PPEF1: variants seen among roughly 807,000 people sequenced by gnomAD.
The protein encoded by PPEF1 is protein phosphatase with EF-hand domain 1.
In PPEF1, 12 loss-of-function variants were observed where a neutral mutation model predicts 53.3. The ratio of observed to expected loss-of-function variants is 0.23; its 90% CI spans 0.14 to 0.36. PPEF1 has a LOEUF of 0.36. Among genes scored for constraint, PPEF1 ranks in the 10% least tolerant of loss-of-function variants. The pLI is 1.00. For synonymous variants in PPEF1, 165 were observed against 176.7 expected, an observed-to-expected ratio of 0.93 and a Z score of 0.52; for missense variants, 334 against 490.4, an observed-to-expected ratio of 0.68 and a Z score of 3.01.
intron 13 of PPEF1, among the ~76,000 whole-genome samples, chrX:18,820,903 T>C (rs1486434090): frequency 9.0e-6 from 1 of 110,638 alleles, no homozygotes; most frequent in African/African-American, 3.3e-5. Flanking sequence ...CCCTTTGGCT[T>C]GGAAATGAGA....
chrX:18,725,003 A>G (rs1393807216), intron 1 of PPEF1, among the ~76,000 whole-genome samples: 1 of 111,050 alleles, frequency 9.0e-6, no homozygotes, highest in African/African-American at 3.3e-5. Flanking sequence ...TGGGAAATGT[A>G]TGCCCAAGGG....
chrX:18,817,067 CATGTGT>C (rs1412796081), intron 12 of PPEF1, among the ~76,000 whole-genome samples: 13 of 49,145 alleles, frequency 2.6e-4, no homozygotes, highest in African/African-American at 7.3e-4. Flanking sequence ...ATCATTTTGC[CATGTGT>C]GTGTGTGTGT....
At chrX:18,693,325 C>T (rs1744946276) in intron 4 of PPEF1, among the ~76,000 whole-genome samples, 1 of 111,795 alleles carries the variant, frequency 8.9e-6, no homozygotes, top group Admixed American at 9.5e-5. Context: ...CAACCTACCT[C>T]CCCCAGGTTA....
At position 18,749,921 on chromosome X, in the gene PPEF1, A is replaced by G; in HGVS notation, c.365A>G (p.Asp122Gly). ...TTTCCTCTCACTTGTACGGATATTG[A>G]TTTACTTCTTGAGGCCTTCAAGGAA... Reference protein sequence around the residue: ...LQFPLTCTDIDLLLEAFKEQQ... With the variant: ...LQFPLTCTDIGLLLEAFKEQQ... The change falls in exon 4 of 16, where the codon GAT becomes GGT. Residue 122 changes from aspartate (D) to glycine (G), a missense_variant. Transcript: ENST00000470157. 7.5e-6 allele frequency: 9 copies of G among 1,206,772 alleles called. No individual in the cohort carries two copies. The highest frequency in any genetic ancestry group is 1.0e-5 in the Non-Finnish European group (9 of 891,542).
chrX:18,757,489 A>G (rs2147492276), intron 4 of PPEF1, 138 bp from the exon 5 acceptor site: 2 of 480,314 alleles, frequency 4.2e-6, no homozygotes, highest in South Asian at 3.2e-5. Flanking sequence ...AGAATGATCT[A>G]TTTCAGAATA....
intron 13 of PPEF1, among the ~76,000 whole-genome samples, 180 bp from the exon 14 acceptor site, chrX:18,823,743 C>T (rs2047112022): frequency 9.0e-6 from 1 of 111,695 alleles, no homozygotes; most frequent in Admixed American, 9.5e-5. Flanking sequence ...AGGAAGGACA[C>T]GATCTGTGGA....
intron 6 of PPEF1, among the ~76,000 whole-genome samples, chrX:18,778,276 T>C (rs2046009615): frequency 9.0e-6 from 1 of 111,515 alleles, no homozygotes; most frequent in African/African-American, 3.3e-5. Context: ...TTAATAGCTA[T>C]TTTAAAGACC....
At chrX:18,703,795 CT>C (rs1277087289), upstream of PPEF1, among the ~76,000 whole-genome samples, 8 of 104,783 alleles carry the variant, frequency 7.6e-5, no homozygotes, top group East Asian at 5.9e-4. Flanking sequence ...TGAGACAGTG[CT>C]TTTTTTTTTC....
At chrX:18,821,704 G>A (rs2147757170) in intron 13 of PPEF1, among the ~76,000 whole-genome samples, 1 of 109,115 alleles carries the variant, frequency 9.2e-6, no homozygotes, top group African/African-American at 3.3e-5. Flanking sequence ...GAGCCACTGT[G>A]CCCGGCCAAA....
intron 4 of PPEF1, among the ~76,000 whole-genome samples, chrX:18,754,346 A>G (rs1021065278): frequency 3.7e-4 from 41 of 111,244 alleles, no homozygotes; most frequent in African/African-American, 1.3e-3. Flanking sequence ...AGTTGCCTAC[A>G]TGACCGTTTT....
intron 4 of PPEF1, among the ~76,000 whole-genome samples, chrX:18,756,151 A>G (rs1230182877): frequency 1.8e-5 from 2 of 110,808 alleles, no homozygotes; most frequent in Admixed American, 1.9e-4. Flanking sequence ...TTTTATTTCA[A>G]CTAAAAAAAT....
intron 12 of PPEF1, among the ~76,000 whole-genome samples, chrX:18,817,030 A>AT (rs1478394017): frequency 9.4e-6 from 1 of 106,872 alleles, no homozygotes; most frequent in Admixed American, 1.0e-4. Context: ...ATATGATGTT[A>AT]TTATTGATAT....
chrX:18,676,420 A>G (rs899266978), intron 1 of PPEF1, among the ~76,000 whole-genome samples: 2 of 105,692 alleles, frequency 1.9e-5, no homozygotes, highest in South Asian at 4.8e-4. Flanking sequence ...TTTTTCTAGT[A>G]CCCGTTTCCC....
At chrX:18,787,972 A>AT (rs1405529169) in intron 9 of PPEF1, among the ~76,000 whole-genome samples, 1 of 110,935 alleles carries the variant, frequency 9.0e-6, no homozygotes, top group Non-Finnish European at 1.9e-5. Flanking sequence ...ATTCAATTTC[A>AT]TTTTTGAAAA....
intron 4 of PPEF1, among the ~76,000 whole-genome samples, chrX:18,751,733 T>G (rs1344889929): frequency 8.9e-6 from 1 of 112,199 alleles, no homozygotes. Context: ...TGAGCCGAGA[T>G]CGTGCCACTG....
At chrX:18,738,316 C>G (rs2045044745) in intron 3 of PPEF1, among the ~76,000 whole-genome samples, 1 of 110,871 alleles carries the variant, frequency 9.0e-6, no homozygotes. Context: ...GTAAGGCAGG[C>G]CTGGTGGTGA....
At chrX:18,698,834 T>G (rs148391585) in intron 5 of PPEF1, among the ~76,000 whole-genome samples, 1,122 of 111,586 alleles carry the variant, frequency 0.01, 9 homozygotes, top group Non-Finnish European at 0.015. Context: ...ATGAAACAGA[T>G]CCTTTCCCTT....
rs181760754 is a variant in PPEF1 at position 18,690,525 on chromosome X, C to T, written c.-425-457C>T. Among the ~76,000 whole-genome samples, 741 of 110,122 alleles carry T rather than the reference C, an allele frequency of 6.7e-3. 9 individuals carry two copies. Among genetic ancestry groups the T allele is most frequent in the African/African-American group, 0.022 (672 of 30,280 alleles). On this transcript the variant is annotated intron_variant, in intron 3 of 21. Transcript: ENST00000361511. Reference sequence around the variant, plus strand: ...CTGAGTAGCTGGGATTACAGGTGCCCGCCACCATGCCCAGCTAATTTTTGT... The same window carrying T: ...CTGAGTAGCTGGGATTACAGGTGCCTGCCACCATGCCCAGCTAATTTTTGT...
At chrX:18,676,988 A>G (rs1928698820) in intron 1 of PPEF1, among the ~76,000 whole-genome samples, 1 of 109,280 alleles carries the variant, frequency 9.2e-6, no homozygotes, top group Non-Finnish European at 1.9e-5. Context: ...CAGGAGGGAA[A>G]CTGTGTTCTG....
Sources: gnomAD v4.1 joint callset for allele counts (sites outside exome capture counted in the v4.1 genomes callset) on GRCh38, gnomAD v4.1.1 for gene constraint, MANE v1.5 for transcripts, NCBI Gene and HGNC (gene_info 2026-07-23, HGNC 2026-07-21) for gene names.